PM20D1: variants seen among roughly 807,000 people sequenced by gnomAD.
PM20D1 encodes the protein N-fatty-acyl-amino acid synthase/hydrolase PM20D1.
In PM20D1, 53 loss-of-function variants were observed where a neutral mutation model predicts 53.8. The ratio of observed to expected loss-of-function variants is 0.98; its 90% confidence interval spans 0.79 to 1.24. The LOEUF (loss-of-function observed/expected upper bound fraction) is 1.24. Ranked by LOEUF, PM20D1 falls within the 50% of genes most tolerant of loss-of-function variation. The probability of loss-of-function intolerance (pLI) is 0.00; values close to 1 mark genes in which losing one functional copy is unlikely to be tolerated. For synonymous variants in PM20D1, 239 were observed against 241.3 expected (o/e 0.99, Z 0.09); for missense variants, 564 against 616.8 (o/e 0.91, Z 0.91).
At chr1:205,842,592 G>C in intron 7 of PM20D1, 84 bp downstream of exon 7, 1 of 1,329,910 alleles carries the variant, frequency 7.5e-7, no homozygotes, top group Non-Finnish European at 1.1e-6. Flanking sequence ...ACAGTACTAG[G>C]GTCCTTTTCT....
intron 1 of PM20D1, among the ~76,000 whole-genome samples, chr1:205,848,962 G>C (rs1657066136): frequency 6.6e-6 from 1 of 152,196 alleles, no homozygotes; most frequent in Non-Finnish European, 1.5e-5. Context: ...TGTAGCTTTT[G>C]TTCTCTTCTG....
rs537110726 is a variant in PM20D1, at chr1:205,845,255, G to C, written c.489+70C>G. On this transcript the variant is annotated intron_variant, in intron 3 of 12. Transcript: ENST00000367136. The stretch of plus-strand genomic sequence containing the variant: ...TTTACCATTATCTCCCACCTCCCAG[G>C]GTCAGCCAAGCACCCCCATCCTGAT... The C allele has an allele frequency of 7.0e-5, 102 of 1,463,640 alleles. 1 individual carries two copies. The African/African-American group carries it at 1.3e-3, about 18-fold the overall frequency. The allele number at this position is 1,463,640 out of a possible 1,614,324, so 90.7% of individuals were successfully genotyped here. A position where few individuals can be genotyped will look rare whatever the true frequency, so the allele number is the denominator to read the frequency against.
At chr1:205,846,769 T>C (rs1020479429) in intron 2 of PM20D1, among the ~76,000 whole-genome samples, 1 of 152,112 alleles carries the variant, frequency 6.6e-6, no homozygotes, top group Admixed American at 6.5e-5. Context: ...ATAAATTTTA[T>C]CTCTCTCTGG....
At position 205,840,307 on chromosome 1, in the gene PM20D1, G is replaced by GT. The variant is rs748228995; in HGVS notation, c.1060_1061insA (p.Pro354HisfsTer30). 13 of 1,613,418 alleles carry GT rather than the reference G, an allele frequency of 8.1e-6. No individual in the cohort carries two copies. Among genetic ancestry groups the GT allele is most frequent in the Non-Finnish European group, 1.1e-5 (13 of 1,179,534 alleles). ...GAAGTTGACTGTGGCCTGGGCCACT[G>GT]GGGGGATGACATTGAACTAGAGAGA... On this transcript the variant is annotated frameshift_variant, in exon 10 of 13. Transcript: ENST00000367136. LOFTEE classifies it high-confidence loss of function.
chr1:205,846,040 G>A (rs1260743031), intron 2 of PM20D1, among the ~76,000 whole-genome samples: 9 of 143,802 alleles, frequency 6.3e-5, no homozygotes, highest in Non-Finnish European at 4.5e-5. Flanking sequence ...CTGAGGTTCC[G>A]CCATTGCACT....
intron 3 of PM20D1, 35 bp from the exon 4 acceptor site, chr1:205,844,932 A>C: frequency 1.3e-6 from 2 of 1,582,548 alleles, no homozygotes; most frequent in Non-Finnish European, 1.7e-6. Flanking sequence ...GAGGAAAAAG[A>C]CGTTATTTAG....
intron 4 of PM20D1, among the ~76,000 whole-genome samples, 186 bp from the exon 5 acceptor site, chr1:205,844,403 T>A (rs943231388): frequency 7.9e-5 from 12 of 152,170 alleles, no homozygotes; most frequent in African/African-American, 2.9e-4. Context: ...CTGGCAGGCC[T>A]CACCCTCCCT....
At chr1:205,842,111 G>A in intron 8 of PM20D1, 43 bp downstream of exon 8, 1 of 1,572,124 alleles carries the variant, frequency 6.4e-7, no homozygotes, top group Non-Finnish European at 8.8e-7. Context: ...GGGTGGGTAG[G>A]TTTGAGGTGA....
intron 10 of PM20D1, among the ~76,000 whole-genome samples, chr1:205,833,368 C>T (rs919610560): frequency 6.6e-6 from 1 of 152,244 alleles, no homozygotes; most frequent in African/African-American, 2.4e-5. Context: ...ATGTGATGAC[C>T]TGGCTTCAGC....
intron 10 of PM20D1, among the ~76,000 whole-genome samples, 187 bp from the exon 11 acceptor site, chr1:205,832,953 T>C (rs895521196): frequency 5.3e-5 from 8 of 152,218 alleles, no homozygotes; most frequent in African/African-American, 1.9e-4. Flanking sequence ...GAGCTGGGTC[T>C]TCCTGGAAAG....
intron 3 of PM20D1, 57 bp downstream of exon 3, chr1:205,845,268 C>A: frequency 6.5e-7 from 1 of 1,542,894 alleles, no homozygotes; most frequent in Non-Finnish European, 9.0e-7. Flanking sequence ...CAGCCAAGCA[C>A]CCCCATCCTG....
intron 6 of PM20D1, 144 bp from the exon 7 acceptor site, chr1:205,842,895 C>G: frequency 1.5e-6 from 1 of 673,120 alleles, no homozygotes; most frequent in South Asian, 1.7e-5. Flanking sequence ...CCTCCACCAA[C>G]TCAACATTCT....
At chr1:205,847,006 CTTTTTTTTTTTTTTT>C (rs778538865) in intron 2 of PM20D1, among the ~76,000 whole-genome samples, 2 of 44,666 alleles carry the variant, frequency 4.5e-5, no homozygotes, top group African/African-American at 9.1e-5. Context: ...TCCTTCCTTT[CTTTTTTTTTTTTTTT>C]TTTTTTTTTT....
At chr1:205,828,876 G>T in intron 12 of PM20D1, 133 bp from the exon 13 acceptor site, 2 of 1,208,324 alleles carry the variant, frequency 1.7e-6, no homozygotes, top group Non-Finnish European at 2.3e-6. Context: ...AGGAAAGAGA[G>T]GGGCAAGGGA....
intron 4 of PM20D1, 32 bp from the exon 5 acceptor site, chr1:205,844,249 T>A: frequency 1.3e-6 from 2 of 1,567,400 alleles, no homozygotes; most frequent in Non-Finnish European, 1.7e-6. Context: ...CTATAGTCCT[T>A]CTCAGCCAGA....
intron 6 of PM20D1, 52 bp from the exon 7 acceptor site, chr1:205,842,803 G>T: frequency 6.5e-7 from 1 of 1,547,058 alleles, no homozygotes; most frequent in Non-Finnish European, 8.9e-7. Context: ...CCAAAGATCA[G>T]TGGCTTGAAG....
At chr1:205,834,017 T>C (rs1656628399) in intron 10 of PM20D1, among the ~76,000 whole-genome samples, 1 of 150,738 alleles carries the variant, frequency 6.6e-6, no homozygotes, top group African/African-American at 2.5e-5. Flanking sequence ...CTGACTAATT[T>C]TTGTATTTTT....
chr1:205,837,094 T>A (rs148128849), intron 10 of PM20D1, among the ~76,000 whole-genome samples: 2 of 152,224 alleles, frequency 1.3e-5, no homozygotes, highest in Non-Finnish European at 2.9e-5. Context: ...TAAAAAAAAT[T>A]TCCTTGCTTA....
chr1:205,838,445 T>C (rs1215646352), intron 10 of PM20D1, among the ~76,000 whole-genome samples: 2 of 152,330 alleles, frequency 1.3e-5, no homozygotes, highest in East Asian at 1.9e-4. Context: ...TTCCTTGTTA[T>C]ATTCTCTAAC....
Sources: allele counts gnomAD v4.1 joint callset (sites outside exome capture counted in the v4.1 genomes callset), GRCh38; gene constraint gnomAD v4.1.1; transcripts MANE v1.5; gene names NCBI Gene and HGNC (gene_info 2026-07-23, HGNC 2026-07-21).